The following EGLN3 variants were observed in gnomAD, a reference collection of about 807,000 sequenced individuals.
EGLN3 encodes prolyl hydroxylase EGLN3.
A neutral mutation model predicts 26.0 loss-of-function variants in EGLN3; 15 were observed. The ratio of observed to expected loss-of-function variants is 0.58; its 90% CI spans 0.39 to 0.89. The LOEUF is 0.89. Ranked by LOEUF, EGLN3 falls within the 40% of genes least tolerant of loss-of-function variation. EGLN3 has a pLI of 0.00. For missense variants in EGLN3, 238 were observed against 311.6 expected, an observed-to-expected ratio of 0.76 and a Z score of 1.78; for synonymous variants, 147 against 127.2, an observed-to-expected ratio of 1.16 and a Z score of -1.05.
intron 1 of EGLN3, among the ~76,000 whole-genome samples, chr14:33,936,086 T>C (rs1273100043): frequency 2.0e-5 from 3 of 151,846 alleles, no homozygotes. Flanking sequence ...CAAAAATTAG[T>C]TGGGCATGGT....
At chr14:33,938,588 C>T (rs1251623261) in intron 1 of EGLN3, among the ~76,000 whole-genome samples, 1 of 152,236 alleles carries the variant, frequency 6.6e-6, no homozygotes, top group African/African-American at 2.4e-5. Context: ...CCTCCCCCAT[C>T]TCTACCCCAG....
At chr14:33,926,832 T>C in intron 4 of EGLN3, 128 bp downstream of exon 4, 1 of 585,862 alleles carries the variant, frequency 1.7e-6, no homozygotes, top group Non-Finnish European at 2.7e-6. Context: ...ATAAAACCCA[T>C]CAAGATGTCA....
chr14:33,934,466 T>TAAAAAAAAAAA (rs369949234), intron 1 of EGLN3, among the ~76,000 whole-genome samples: 1 of 138,400 alleles, frequency 7.2e-6, no homozygotes. Context: ...GCTGACTTCA[T>TAAAAAAAAAAA]AAAAAAAAAA....
chr14:33,930,456 A>T (rs2064394572), intron 2 of EGLN3, among the ~76,000 whole-genome samples: 1 of 152,192 alleles, frequency 6.6e-6, no homozygotes, highest in Admixed American at 6.5e-5. Flanking sequence ...AAGTTATCTG[A>T]CTTCCCAGAC....
chr14:33,925,214 T>C lies in EGLN3; in HGVS notation c.*677A>G, dbSNP rs904545717. 6.6e-6 allele frequency: 1 copy of C among 152,094 alleles called. No homozygotes were observed. Among genetic ancestry groups the C allele is most frequent in the African/African-American group, 2.4e-5 (1 of 41,416 alleles). The allele number at this position is 152,094 out of a possible 1,614,324, so 9.4% of individuals were successfully genotyped here. Reference sequence around the variant, plus strand: ...GTAAGAACTGAAAATGGAGAAAAAATTGTGTTGCCATCTTTATTCAGAAAG... The same window carrying C: ...GTAAGAACTGAAAATGGAGAAAAAACTGTGTTGCCATCTTTATTCAGAAAG... On this transcript the variant is annotated 3_prime_UTR_variant, in exon 5 of 5. Transcript: ENST00000250457.
chr14:33,933,943 A>G (rs1346974974), intron 1 of EGLN3, among the ~76,000 whole-genome samples: 1 of 152,242 alleles, frequency 6.6e-6, no homozygotes, highest in African/African-American at 2.4e-5. Flanking sequence ...CAAACATGCC[A>G]AGCAATAAAC....
chr14:33,947,038 G>C (rs1004530149), intron 1 of EGLN3, among the ~76,000 whole-genome samples: 1 of 152,206 alleles, frequency 6.6e-6, no homozygotes, highest in Non-Finnish European at 1.5e-5. Flanking sequence ...AATACAAACT[G>C]CTCAATAAAA....
chr14:33,948,859 A>C (rs1207613639), intron 1 of EGLN3: 1 of 152,174 alleles, frequency 6.6e-6, no homozygotes, highest in Non-Finnish European at 1.5e-5. Context: ...TCCAGGTAGA[A>C]ACTACCAGCA....
intron 1 of EGLN3, among the ~76,000 whole-genome samples, chr14:33,936,762 G>A (rs1467857748): frequency 1.5e-5 from 2 of 134,458 alleles, no homozygotes; most frequent in African/African-American, 5.1e-5. Context: ...CTGGAGGAAA[G>A]GCTGGAGAAA....
Position 33,950,551 on chromosome 14 carries a change from C to T in EGLN3, c.202G>A (p.Val68Ile). ...TCGCCCCGCAGGTGTCGCTTGGAGA[C>T]GCCGGCGCGCGGCCCCGCCAGCTGG... ...DGQLAGPRAGVSKRHLRGDQI... is the reference protein window; with the variant it reads ...DGQLAGPRAGISKRHLRGDQI... Residue 68 changes from valine to isoleucine, a missense_variant, in exon 1 of 5, where the codon GTC (valine) becomes ATC (isoleucine). By Grantham distance (29) the Val-to-Ile change is conservative. Transcript: ENST00000250457. 1 of 1,612,172 alleles carries T rather than the reference C, an allele frequency of 6.2e-7. No individual in the cohort carries two copies. The highest frequency in any genetic ancestry group is 1.7e-5 in the Admixed American group (1 of 59,942).
At chr14:33,929,588 G>A (rs867915544) in intron 2 of EGLN3, among the ~76,000 whole-genome samples, 6 of 152,210 alleles carry the variant, frequency 3.9e-5, no homozygotes, top group Admixed American at 6.5e-5. Flanking sequence ...CCGACCTCAG[G>A]TGATCCGCCC....
rs370186230 is a variant in EGLN3, at chr14:33,950,787, G to A, written c.-35C>T. ...AGAATCGAGGTCCGGGATCCCCAGC[G>A]TGCAACCAGAGAGGGAACGATCTAC... On this transcript the variant is annotated 5_prime_UTR_variant, in exon 1 of 5. The change creates a new upstream start codon in the 5' untranslated region. Coordinates refer to ENST00000250457, the MANE Select transcript of EGLN3 (RefSeq NM_022073.4). 4 of 1,368,462 alleles carry A rather than the reference G, an allele frequency of 2.9e-6. No individual in the cohort carries two copies. The highest frequency in any genetic ancestry group is 2.8e-5 in the East Asian group (1 of 36,210). The allele number at this position is 1,368,462 out of a possible 1,614,324, so 84.8% of individuals were successfully genotyped here.
intron 1 of EGLN3, 72 bp downstream of exon 1, chr14:33,950,324 G>A: frequency 1.4e-6 from 2 of 1,414,780 alleles, no homozygotes; most frequent in Non-Finnish European, 2.0e-6. Context: ...CTGGGAAGTC[G>A]ACATACAACG....
At chr14:33,941,222 C>A (rs987964863) in intron 1 of EGLN3, among the ~76,000 whole-genome samples, 1 of 152,112 alleles carries the variant, frequency 6.6e-6, no homozygotes, top group African/African-American at 2.4e-5. Flanking sequence ...AAACAAGTAT[C>A]TAACTCATCC....
chr14:33,942,015 C>T (rs964852727), intron 1 of EGLN3, among the ~76,000 whole-genome samples: 2 of 152,138 alleles, frequency 1.3e-5, no homozygotes, highest in East Asian at 1.9e-4. Flanking sequence ...GCTAAGTTTA[C>T]AGTCTTTACA....
chr14:33,931,620 T>C (rs563925877), intron 1 of EGLN3, among the ~76,000 whole-genome samples: 22 of 152,348 alleles, frequency 1.4e-4, no homozygotes, highest in Non-Finnish European at 3.1e-4. Context: ...ATTATGACTG[T>C]TTAGCAAGTG....
At chr14:33,931,315 A>G in intron 1 of EGLN3, 100 bp from the exon 2 acceptor site, 1 of 1,548,612 alleles carries the variant, frequency 6.5e-7, no homozygotes, top group Non-Finnish European at 8.7e-7. Context: ...CTTGGGTGTT[A>G]CGTGACATTT....
chr14:33,936,185 G>A (rs925994488), intron 1 of EGLN3, among the ~76,000 whole-genome samples: 3 of 152,062 alleles, frequency 2.0e-5, no homozygotes, highest in Non-Finnish European at 2.9e-5. Flanking sequence ...AGCCGAGATC[G>A]CACCACTGCA....
intron 1 of EGLN3, among the ~76,000 whole-genome samples, chr14:33,935,748 C>G (rs1390720124): frequency 6.6e-6 from 1 of 152,124 alleles, no homozygotes; most frequent in Non-Finnish European, 1.5e-5. Flanking sequence ...CCACCAGACT[C>G]AAACACATCC....
Sources: gnomAD v4.1 joint callset for allele counts (sites outside exome capture counted in the v4.1 genomes callset) on GRCh38, gnomAD v4.1.1 for gene constraint, MANE v1.5 for transcripts, NCBI Gene and HGNC (gene_info 2026-07-23, HGNC 2026-07-21) for gene names.